The following TSNARE1 variants were observed in gnomAD, a reference collection of about 807,000 sequenced individuals.
TSNARE1 encodes t-SNARE domain-containing protein 1.
In TSNARE1, 49 loss-of-function variants were observed where a neutral mutation model predicts 62.0. The ratio of observed to expected loss-of-function variants is 0.79; its 90% CI spans 0.63 to 1.00. The LOEUF is 1.00. TSNARE1 is among the 50% of genes least tolerant of loss of function. TSNARE1 has a pLI of 0.00. For synonymous variants in TSNARE1, 328 were observed against 294.4 expected (o/e 1.11, Z -1.17); for missense variants, 755 against 700.1 (o/e 1.08, Z -0.88).
At chr8:142,321,057 C>G (rs149910924) in intron 6 of TSNARE1, among the ~76,000 whole-genome samples, 1 of 152,320 alleles carries the variant, frequency 6.6e-6, no homozygotes, top group African/African-American at 2.4e-5. Flanking sequence ...TGGCAATACC[C>G]CAGGCATCAG....
At chr8:142,250,062 A>T (rs1488446295) in intron 12 of TSNARE1, among the ~76,000 whole-genome samples, 1 of 152,162 alleles carries the variant, frequency 6.6e-6, no homozygotes, top group African/African-American at 2.4e-5. Flanking sequence ...TGGGCCTCCC[A>T]TGCCCTTCTT....
chr8:142,250,484 G>A (rs747557755), intron 12 of TSNARE1, among the ~76,000 whole-genome samples: 9 of 152,188 alleles, frequency 5.9e-5, no homozygotes, highest in Non-Finnish European at 1.3e-4. Flanking sequence ...AGCGTCGCGG[G>A]CTCCTTGGTG....
intron 13 of TSNARE1, among the ~76,000 whole-genome samples, chr8:142,222,700 C>CACT (rs1816425344): frequency 2.9e-5 from 2 of 69,390 alleles, no homozygotes; most frequent in African/African-American, 7.2e-5. Flanking sequence ...ACTCACTCAT[C>CACT]CACTCACTCA....
intron 4 of TSNARE1, among the ~76,000 whole-genome samples, 166 bp downstream of exon 4, chr8:142,343,797 GGGA>G (rs1191561278): frequency 1.5e-4 from 12 of 80,832 alleles, no homozygotes; most frequent in Admixed American, 7.9e-4. Context: ...GAGGAGGAGG[GGGA>G]GGAGGAGGAG....
chr8:142,233,847 G>C (rs1010741371), intron 12 of TSNARE1, among the ~76,000 whole-genome samples: 1 of 152,112 alleles, frequency 6.6e-6, no homozygotes, highest in Admixed American at 6.5e-5. Flanking sequence ...ATGCTGAGTC[G>C]CTAGGGTCCA....
rs1241789175 is a variant in TSNARE1 at position 142,314,383 on chromosome 8, C to T, written c.1131+1G>A. The T allele has an allele frequency of 6.2e-7, 1 of 1,613,664 alleles. No individual in the cohort carries two copies. The highest frequency in any genetic ancestry group is 8.5e-7 in the Non-Finnish European group (1 of 1,179,760). The stretch of plus-strand genomic sequence containing the variant: ...GACCATGGTCAGTACTCGGCACCCA[C>T]CTGTTTACTGCCCCTCTGCGCCATG... On this transcript the variant is annotated splice_donor_variant, in intron 9 of 13. Transcript: ENST00000524325. LOFTEE classifies it high-confidence loss of function.
intron 6 of TSNARE1, among the ~76,000 whole-genome samples, chr8:142,328,829 AG>A (rs1830620912): frequency 3.4e-5 from 1 of 29,374 alleles, no homozygotes; most frequent in African/African-American, 1.0e-4. Context: ...GGGGGGGGGG[AG>A]GGTTCCGCAC....
intron 1 of TSNARE1, among the ~76,000 whole-genome samples, chr8:142,359,867 C>T (rs1358361922): frequency 6.6e-6 from 1 of 152,240 alleles, no homozygotes; most frequent in Non-Finnish European, 1.5e-5. Flanking sequence ...CCACTCCTGT[C>T]CCAGCAGGAG....
At chr8:142,383,721 C>T (rs1330357730) in intron 1 of TSNARE1, among the ~76,000 whole-genome samples, 1 of 152,110 alleles carries the variant, frequency 6.6e-6, no homozygotes, top group Non-Finnish European at 1.5e-5. Flanking sequence ...TGTTCACAAC[C>T]CTAGGAGGTT....
At chr8:142,376,029 T>C (rs1299750484) in intron 1 of TSNARE1, among the ~76,000 whole-genome samples, 2 of 152,148 alleles carry the variant, frequency 1.3e-5, no homozygotes, top group African/African-American at 4.8e-5. Flanking sequence ...GACCAGCCGC[T>C]ATAAACATAC....
intron 13 of TSNARE1, among the ~76,000 whole-genome samples, chr8:142,217,995 CAGGATCAGGGCTCA>C (rs1815994674): frequency 1.0e-5 from 1 of 95,504 alleles, no homozygotes. Flanking sequence ...AGAGTATGAG[CAGGATCAGGGCTCA>C]GTGTGTGGCC....
At chr8:142,302,556 C>T (rs915272783) in intron 9 of TSNARE1, among the ~76,000 whole-genome samples, 1 of 152,106 alleles carries the variant, frequency 6.6e-6, no homozygotes, top group Non-Finnish European at 1.5e-5. Context: ...CCCTTGCTGT[C>T]CCCACCCCCG....
intron 12 of TSNARE1, chr8:142,270,481 C>CATAT (rs67801065): frequency 0.016 from 13,313 of 816,770 alleles, 180 homozygotes; most frequent in African/African-American, 0.088. Context: ...AATATATAGG[C>CATAT]ATATATATAT....
intron 3 of TSNARE1, 143 bp from the exon 4 acceptor site, chr8:142,344,615 G>A (rs1586929121): frequency 1.1e-6 from 1 of 905,658 alleles, no homozygotes; most frequent in Non-Finnish European, 1.6e-6. Flanking sequence ...CCTCCCTGCT[G>A]GGTGTCCAGA....
intron 12 of TSNARE1, among the ~76,000 whole-genome samples, chr8:142,243,998 A>G (rs1817774776): frequency 6.6e-6 from 1 of 152,254 alleles, no homozygotes; most frequent in East Asian, 1.9e-4. Flanking sequence ...CCATCTGGCT[A>G]ACACGGTGAA....
chr8:142,289,113 G>T (rs1233485869), intron 10 of TSNARE1, among the ~76,000 whole-genome samples: 3 of 152,206 alleles, frequency 2.0e-5, no homozygotes, highest in African/African-American at 7.2e-5. Flanking sequence ...AGAAGGGTGA[G>T]CTGCCAGCTG....
At chr8:142,289,401 C>T (rs1002600459) in intron 10 of TSNARE1, among the ~76,000 whole-genome samples, 1 of 152,182 alleles carries the variant, frequency 6.6e-6, no homozygotes, top group African/African-American at 2.4e-5. Flanking sequence ...GCCTGGGGCC[C>T]CTCCCTGCTC....
Position 142,349,098 on chromosome 8 carries a change from G to A in TSNARE1, c.89-3206C>T, listed in dbSNP as rs536975294. 1.2e-4 allele frequency among the ~76,000 whole-genome samples: 19 copies of A among 152,262 alleles called. No homozygotes were observed. In the East Asian group the frequency reaches 3.5e-3, roughly 28 times the overall value. On this transcript the variant is annotated intron_variant, in intron 2 of 13. Coordinates refer to ENST00000524325, the MANE Select transcript of TSNARE1 (RefSeq NM_145003.5). ...CTGAGGGGAGCAAAGGAGGCACTGA[G>A]CCAGGCTCGCCCCCATGCCCCAGAA...
chr8:142,250,731 C>G (rs1818120737), intron 12 of TSNARE1, among the ~76,000 whole-genome samples: 1 of 152,206 alleles, frequency 6.6e-6, no homozygotes, highest in Non-Finnish European at 1.5e-5. Context: ...GGCATGGCAG[C>G]ACAGGCAGCT....
Sources: allele counts gnomAD v4.1 joint callset (sites outside exome capture counted in the v4.1 genomes callset), GRCh38; gene constraint gnomAD v4.1.1; transcripts MANE v1.5; gene names NCBI Gene and HGNC (gene_info 2026-07-23, HGNC 2026-07-21).